Variants in GANAB observed in about 807,000 individuals in gnomAD.
GANAB encodes the protein neutral alpha-glucosidase AB.
A neutral mutation model predicts 129.9 loss-of-function variants in GANAB; 35 were observed. The observed-to-expected ratio is 0.27, with a 90% CI of 0.21 to 0.36. The LOEUF (loss-of-function observed/expected upper bound fraction) is 0.36. Ranked by LOEUF, GANAB falls within the 10% of genes least tolerant of loss-of-function variation. The probability of loss-of-function intolerance (pLI) is 1.00; values close to 1 mark genes in which losing one functional copy is unlikely to be tolerated. For missense variants in GANAB, 939 were observed against 1,221.0 expected (o/e 0.77, Z 3.44); for synonymous variants, 482 against 451.8 (o/e 1.07, Z -0.85).
At chr11:62,645,434 G>A (rs986653226) in intron 1 of GANAB, among the ~76,000 whole-genome samples, 2 of 151,982 alleles carry the variant, frequency 1.3e-5, no homozygotes, top group Admixed American at 6.6e-5. Context: ...TACTCGGGAG[G>A]CTGAGGCAGG....
At chr11:62,639,334 C>A in intron 3 of GANAB, 25 bp downstream of exon 3, 1 of 1,490,744 alleles carries the variant, frequency 6.7e-7, no homozygotes, top group South Asian at 1.1e-5. Flanking sequence ...CCACCCCCAC[C>A]AGACTCTTCC....
chr11:62,626,706 G>C (rs1045822100), intron 20 of GANAB, 22 bp from the exon 21 acceptor site: 1 of 1,516,348 alleles, frequency 6.6e-7, no homozygotes, highest in Admixed American at 1.8e-5. Context: ...GCAATGCCAG[G>C]ATGAAGTTGC....
chr11:62,639,838 A>G (rs1332908791), intron 1 of GANAB, 107 bp from the exon 2 acceptor site: 13 of 709,508 alleles, frequency 1.8e-5, no homozygotes, highest in Non-Finnish European at 3.3e-5. Flanking sequence ...TAGTTGAGGA[A>G]AGAGGGGAGA....
chr11:62,633,103 TG>T lies in GANAB; in HGVS notation c.719-3del, dbSNP rs1943766471. 2 of 1,610,448 alleles carry T rather than the reference TG, an allele frequency of 1.2e-6. No homozygotes were observed. The highest frequency in any genetic ancestry group is 1.7e-6 in the Non-Finnish European group (2 of 1,176,802). ...AGTCCAAACCCACAGACATGGGGCC[TG>T]GAAGAAAAACAAACAAGCTTCAGAG... On this transcript the variant is annotated splice_polypyrimidine_tract_variant and splice_region_variant and intron_variant, in intron 7 of 23. Coordinates refer to ENST00000356638, the MANE Select transcript of GANAB (RefSeq NM_198334.3).
intron 1 of GANAB, among the ~76,000 whole-genome samples, chr11:62,641,589 G>GT (rs1944264572): frequency 7.2e-5 from 1 of 13,886 alleles, no homozygotes; most frequent in Non-Finnish European, 2.2e-3. Flanking sequence ...TGCAGTTTTT[G>GT]TTTTTTGCTT....
Position 62,632,735 on chromosome 11 carries a change from G to C in GANAB, c.826C>G (p.Pro276Ala). 1 of 1,612,984 alleles carries C rather than the reference G, an allele frequency of 6.2e-7. No homozygotes were observed. Among genetic ancestry groups the C allele is most frequent in the East Asian group, 2.2e-5 (1 of 44,866 alleles). Residue 276 changes from proline to alanine, a missense_variant, in exon 9 of 24, where the codon CCA (proline) becomes GCA (alanine). Physicochemically the swap from Pro to Ala is conservative, Grantham distance 27. This residue lies in a region of GANAB where 21 missense variants were observed against 53.7 expected (regional missense o/e 0.39). Coordinates refer to ENST00000356638, the MANE Select transcript of GANAB (RefSeq NM_198334.3). ...ACATCCAAATTGTAGAGGCGATATG[G>C]CTCCCCACCCCTGCAGGCAAACAGA... The part of the protein sequence containing the change: ...LRLKVTEGGE[P>A]YRLYNLDVFQ...
At position 62,630,459 on chromosome 11, in the gene GANAB, C is replaced by T. The variant is rs1355968760; in HGVS notation, c.1433G>A (p.Arg478Gln). 1.2e-5 allele frequency: 20 copies of T among 1,614,036 alleles called. No homozygotes were observed. The highest frequency in any genetic ancestry group is 1.5e-5 in the Non-Finnish European group (18 of 1,180,022). The change falls in exon 12 of 24, where the codon CGA becomes CAA. Residue 478 changes from arginine (R) to glutamine (Q), a missense_variant. Arg to Gln is a conservative substitution (Grantham distance 43, BLOSUM62 1). Around this residue, in one of 5 missense-constraint regions of GANAB, gnomAD observed 220 missense variants for 295.9 expected, o/e 0.74. Transcript: ENST00000356638. The part of the protein sequence containing the change: ...DPHIKVDSGY[R>Q]VHEELRNLGL... The stretch of plus-strand genomic sequence containing the variant: ...CAGGTTCCGCAGCTCCTCGTGAACT[C>T]GGTAGCCGGAGTCCACCTTGATGTG...
intron 2 of GANAB, 25 bp downstream of exon 2, chr11:62,639,602 T>C: frequency 3.9e-6 from 6 of 1,546,064 alleles, no homozygotes; most frequent in Non-Finnish European, 5.4e-6. Context: ...CTACATTCCA[T>C]CCCTCTCCCC....
chr11:62,627,133 T>C lies in GANAB; in HGVS notation c.2246-9A>G, dbSNP rs765237116. ...AACCAGCAACGCATCCCCTAAAATA[T>C]GCCAGAATCAACTCTGAATAGGGGG... On this transcript the variant is annotated splice_polypyrimidine_tract_variant and intron_variant, in intron 18 of 23. Coordinates refer to ENST00000356638, the MANE Select transcript of GANAB (RefSeq NM_198334.3). The C allele has an allele frequency of 1.4e-5, 23 of 1,610,498 alleles. No individual in the cohort carries two copies. The highest frequency in any genetic ancestry group is 1.6e-4 in the Middle Eastern group (1 of 6,078).
At chr11:62,633,416 C>A (rs752754073) in intron 6 of GANAB, 29 bp downstream of exon 6, 1 of 1,610,700 alleles carries the variant, frequency 6.2e-7, no homozygotes, top group African/African-American at 1.3e-5. Flanking sequence ...CCAGCCCTAT[C>A]CTCCAACCAC....
intron 1 of GANAB, among the ~76,000 whole-genome samples, chr11:62,642,127 G>C (rs1944299225): frequency 6.6e-6 from 1 of 152,056 alleles, no homozygotes; most frequent in Non-Finnish European, 1.5e-5. Context: ...CAGGAGAACT[G>C]CTTGAACCAG....
At chr11:62,625,974 TAAC>T (rs1249897272) in intron 23 of GANAB, 50 bp from the exon 24 acceptor site, 4 of 1,468,268 alleles carry the variant, frequency 2.7e-6, no homozygotes, top group East Asian at 2.3e-5. Context: ...GGCTATAGCA[TAAC>T]AACAACGTTC....
Position 62,630,425 on chromosome 11 carries a change from A to G in GANAB, c.1467T>C (p.Tyr489=), listed in dbSNP as rs150839688. Residue 489 remains tyrosine (Y), a synonymous_variant, in exon 12 of 24, where the codon TAT becomes TAC. Transcript: ENST00000356638. Reference sequence around the variant, plus strand: ...AGTCAGAGCCATCCCGGGTTTTAACATACAGCCCCAGGTTCCGCAGCTCCT... The same window carrying G: ...AGTCAGAGCCATCCCGGGTTTTAACGTACAGCCCCAGGTTCCGCAGCTCCT... ...VHEELRNLGL[Y]VKTRDGSDYE... The G allele has an allele frequency of 1.7e-3, 2,755 of 1,614,206 alleles. 5 individuals carry two copies. Among genetic ancestry groups the G allele is most frequent in the Middle Eastern group, 3.3e-3 (20 of 6,062 alleles).
intron 8 of GANAB, 49 bp downstream of exon 8, chr11:62,632,956 G>T: frequency 8.5e-7 from 1 of 1,175,344 alleles, no homozygotes; most frequent in Non-Finnish European, 1.3e-6. Context: ...CTAAAGGCCT[G>T]ACTCCTTCCT....
intron 17 of GANAB, among the ~76,000 whole-genome samples, chr11:62,628,058 G>GT (rs1590794888): frequency 2.6e-5 from 4 of 152,020 alleles, no homozygotes; most frequent in South Asian, 4.2e-4. Context: ...AAGACATACT[G>GT]TTTTTTTCTA....
At chr11:62,636,599 G>A (rs1943950025) in intron 4 of GANAB, among the ~76,000 whole-genome samples, 1 of 152,192 alleles carries the variant, frequency 6.6e-6, no homozygotes, top group Non-Finnish European at 1.5e-5. Context: ...GGTGGATCAT[G>A]AGGTCAGGAG....
intron 4 of GANAB, 76 bp from the exon 5 acceptor site, chr11:62,635,076 G>A (rs1489808869): frequency 1.9e-6 from 2 of 1,043,558 alleles, no homozygotes; most frequent in East Asian, 2.4e-5. Flanking sequence ...AAGACCGGGG[G>A]AAATCTACCT....
chr11:62,645,729 A>C (rs1944450321), intron 1 of GANAB, among the ~76,000 whole-genome samples: 1 of 152,168 alleles, frequency 6.6e-6, no homozygotes, highest in Non-Finnish European at 1.5e-5. Context: ...TCATAGGCCA[A>C]AGTCAGGAAT....
intron 16 of GANAB, 62 bp from the exon 17 acceptor site, chr11:62,629,074 A>G: frequency 1.9e-6 from 3 of 1,591,762 alleles, no homozygotes; most frequent in South Asian, 1.1e-5. Context: ...ACTGCTTGAG[A>G]AACTTCCCAA....
Sources: gnomAD v4.1 joint callset for allele counts (sites outside exome capture counted in the v4.1 genomes callset) on GRCh38, gnomAD v4.1.1 for gene constraint, gnomAD v4.1.1 regional missense constraint, MANE v1.5 for transcripts, NCBI Gene and HGNC (gene_info 2026-07-23, HGNC 2026-07-21) for gene names.